The following RGS7 variants were observed in gnomAD, a reference collection of about 807,000 sequenced individuals.
The protein encoded by RGS7 is regulator of G-protein signaling 7.
Under a neutral mutation model 81.1 loss-of-function variants are expected in RGS7, and 27 were observed. That is an observed-to-expected ratio of 0.33 (90% CI 0.25 to 0.46). The LOEUF (loss-of-function observed/expected upper bound fraction) is 0.46, where lower values mean the gene tolerates loss of function less well. Among genes scored for constraint, RGS7 ranks in the 20% least tolerant of loss-of-function variants. RGS7 has a pLI of 1.00. For missense variants in RGS7, 396 were observed against 607.4 expected, an observed-to-expected ratio of 0.65 and a Z score of 3.66; for synonymous variants, 208 against 207.7, an observed-to-expected ratio of 1.00 and a Z score of -0.01.
At chr1:241,330,107 T>C (rs1321339886) in intron 2 of RGS7, among the ~76,000 whole-genome samples, 3 of 152,098 alleles carry the variant, frequency 2.0e-5, no homozygotes, top group Non-Finnish European at 4.4e-5. Flanking sequence ...ACTCGGATAA[T>C]TTTTTGTATT....
chr1:241,262,870 G>GCGGGTGGATCA (rs2077405783), intron 2 of RGS7, among the ~76,000 whole-genome samples: 1 of 152,122 alleles, frequency 6.6e-6, no homozygotes, highest in Non-Finnish European at 1.5e-5. Context: ...GGAGGCCGAG[G>GCGGGTGGATCA]CGGGTGGATC....
chr1:240,964,973 C>A (rs1021731615), intron 4 of RGS7, among the ~76,000 whole-genome samples: 2 of 152,182 alleles, frequency 1.3e-5, no homozygotes, highest in African/African-American at 2.4e-5. Flanking sequence ...AAACTCAGGG[C>A]TCTTCCTTCT....
intron 6 of RGS7, among the ~76,000 whole-genome samples, chr1:240,878,445 A>G (rs1665808853): frequency 6.8e-6 from 1 of 147,536 alleles, no homozygotes; most frequent in Non-Finnish European, 1.5e-5. Context: ...CCTAGTGTTC[A>G]TTCGAGGTTT....
intron 3 of RGS7, among the ~76,000 whole-genome samples, chr1:240,991,634 G>T (rs1686475552): frequency 6.6e-6 from 1 of 152,150 alleles, no homozygotes. Flanking sequence ...TTAGGATGGG[G>T]ATATTGGATC....
In RGS7 at chr1:240,934,189, C is replaced by T. The variant is rs147099997; in HGVS notation, c.333+2411G>A. The stretch of plus-strand genomic sequence containing the variant: ...ATGTTGGCCAGGATGGTCTCAATCT[C>T]GACCTCATGATCTGCCCACCTCTGC... On this transcript the variant is annotated intron_variant, in intron 5 of 18. Transcript: ENST00000440928. Among the ~76,000 whole-genome samples, 242 of 152,224 alleles carry T rather than the reference C, an allele frequency of 1.6e-3. 2 individuals carry two copies. Among genetic ancestry groups the T allele is most frequent in the African/African-American group, 5.6e-3 (233 of 41,538 alleles).
chr1:241,164,303 G>A lies in RGS7; in HGVS notation c.79-65541C>T, dbSNP rs967897177. 2.7e-5 allele frequency among the ~76,000 whole-genome samples: 4 copies of A among 149,960 alleles called. No individual in the cohort carries two copies. The highest frequency in any genetic ancestry group is 9.9e-5 in the African/African-American group (4 of 40,580). ...TTTTTTTTTAAGCTTCATTATGTAA[G>A]CATGATTGACTAAACCTTTGGCCAT... On this transcript the variant is annotated intron_variant, in intron 2 of 18. Transcript: ENST00000440928. This position sits in a 1 kb window ranked among gnomAD's most constrained non-coding sequence, Gnocchi z 4.1.
chr1:241,108,779 A>C (rs890321025), intron 2 of RGS7, among the ~76,000 whole-genome samples: 1 of 152,172 alleles, frequency 6.6e-6, no homozygotes, highest in Non-Finnish European at 1.5e-5. Context: ...CAATTGCTTC[A>C]TCTTCGGCGT....
At chr1:241,136,214 T>G (rs1310893177) in intron 2 of RGS7, among the ~76,000 whole-genome samples, 1 of 152,152 alleles carries the variant, frequency 6.6e-6, no homozygotes, top group Non-Finnish European at 1.5e-5. Flanking sequence ...AAAACATGTA[T>G]AGACAGTCTG....
At chr1:241,172,655 G>A (rs2070819391) in intron 2 of RGS7, among the ~76,000 whole-genome samples, 1 of 152,164 alleles carries the variant, frequency 6.6e-6, no homozygotes, top group Non-Finnish European at 1.5e-5. Flanking sequence ...CCTTGATTTT[G>A]ATGTCAGTTA....
At chr1:241,236,501 T>C (rs1254341196) in intron 2 of RGS7, among the ~76,000 whole-genome samples, 1 of 152,184 alleles carries the variant, frequency 6.6e-6, no homozygotes, top group Non-Finnish European at 1.5e-5. Context: ...GTATGGTGTT[T>C]ATTTCTTGAT....
intron 6 of RGS7, among the ~76,000 whole-genome samples, chr1:240,892,154 C>T (rs946862145): frequency 2.0e-5 from 3 of 152,168 alleles, no homozygotes; most frequent in African/African-American, 4.8e-5. Flanking sequence ...TAACTCTATG[C>T]TAATGGTTCC....
At chr1:240,800,760 T>C (rs991892601) in intron 17 of RGS7, 39 bp from the exon 18 acceptor site, 2 of 1,303,006 alleles carry the variant, frequency 1.5e-6, no homozygotes, top group African/African-American at 3.0e-5. Flanking sequence ...AGTTTGAGCT[T>C]ACACAATGTC....
Position 240,799,287 on chromosome 1 carries a change from T to TTGTGTG in RGS7, c.*6+1348_*6+1353dup, listed in dbSNP as rs71678488. On this transcript the variant is annotated intron_variant, in intron 18 of 18. Coordinates refer to ENST00000440928, the MANE Select transcript of RGS7 (RefSeq NM_001364886.1). ...TGTGTGTGTGTGTGTGTGTCTATGT[T>TTGTGTG]TGTGTGTGTGTGTGTGTGTGTGTGT... Among the ~76,000 whole-genome samples the TTGTGTG allele has an allele frequency of 2.6e-3, 370 of 142,484 alleles. 3 individuals are homozygous for TTGTGTG. The highest frequency in any genetic ancestry group is 7.4e-3 in the African/African-American group (284 of 38,548). 93.5% of individuals were successfully genotyped at this position (142,484 alleles called of 152,430 possible). A position where few individuals can be genotyped will look rare whatever the true frequency, so the allele number is the denominator to read the frequency against.
intron 3 of RGS7, among the ~76,000 whole-genome samples, chr1:241,092,862 A>G (rs75047399): frequency 3.9e-5 from 3 of 76,420 alleles, no homozygotes; most frequent in African/African-American, 1.0e-4. Context: ...TAAAAGATAG[A>G]AAAAAAAAAC....
intron 3 of RGS7, among the ~76,000 whole-genome samples, chr1:241,073,369 C>T (rs9428857): frequency 0.026 from 4,027 of 152,184 alleles, 178 homozygotes; most frequent in African/African-American, 0.092. Context: ...ATGCATCCTT[C>T]TTGTATTCTT....
intron 2 of RGS7, chr1:241,186,385 C>A: frequency 2.5e-6 from 1 of 396,998 alleles, no homozygotes; most frequent in Non-Finnish European, 3.4e-6. Flanking sequence ...TGATTAAGTC[C>A]AATTTATCAA....
chr1:241,293,531 C>T (rs1319818953), intron 2 of RGS7, among the ~76,000 whole-genome samples: 1 of 151,880 alleles, frequency 6.6e-6, no homozygotes, highest in East Asian at 1.9e-4. Flanking sequence ...TGATCCTGAC[C>T]CTGTGTACGC....
chr1:241,224,538 G>T (rs187605356), intron 2 of RGS7, among the ~76,000 whole-genome samples: 9 of 151,842 alleles, frequency 5.9e-5, no homozygotes, highest in Non-Finnish European at 1.0e-4. Flanking sequence ...AAGCCATTTC[G>T]CAGGATATGC....
chr1:241,347,594 T>C (rs2082980265), intron 2 of RGS7, among the ~76,000 whole-genome samples: 1 of 152,222 alleles, frequency 6.6e-6, no homozygotes, highest in African/African-American at 2.4e-5. Context: ...GTGGCTGTGA[T>C]ACATCTCTGA....
Sources: allele counts gnomAD v4.1 joint callset (sites outside exome capture counted in the v4.1 genomes callset), GRCh38; gene constraint gnomAD v4.1.1; non-coding constraint Gnocchi (gnomAD v3.1); transcripts MANE v1.5; gene names NCBI Gene and HGNC (gene_info 2026-07-23, HGNC 2026-07-21).